The following TFB2M variants were observed in gnomAD, a reference collection of about 807,000 sequenced individuals.
TFB2M encodes transcription factor B2, mitochondrial, also known as dimethyladenosine transferase 2, mitochondrial.
TFB2M carries 44 observed loss-of-function variants against 41.3 expected under a neutral mutation model. The observed-to-expected ratio is 1.07, with a 90% CI of 0.84 to 1.37. The LOEUF is 1.37. Among genes scored for constraint, TFB2M ranks in the 40% most tolerant of loss-of-function variants. TFB2M has a pLI of 0.00. For missense variants in TFB2M, 496 were observed against 490.2 expected (o/e 1.01, Z -0.11); for synonymous variants, 188 against 176.8 (o/e 1.06, Z -0.50).
At chr1:246,549,281 C>G (rs1659106848) in intron 5 of TFB2M, among the ~76,000 whole-genome samples, 1 of 151,112 alleles carries the variant, frequency 6.6e-6, no homozygotes, top group Admixed American at 6.6e-5. Context: ...GTGCATAAGG[C>G]AATTTTAAGA....
In TFB2M at chr1:246,556,728, G is replaced by A; in HGVS notation, c.557-7C>T. ...ACTACTTTTAAAGGGATGTCTGTTAGGAATATAAGCAAAAAGATTTGAATA... is the reference window on the plus strand; with the variant it reads ...ACTACTTTTAAAGGGATGTCTGTTAAGAATATAAGCAAAAAGATTTGAATA... On this transcript the variant is annotated splice_polypyrimidine_tract_variant and splice_region_variant and intron_variant, in intron 3 of 7. Coordinates refer to ENST00000366514, the MANE Select transcript of TFB2M (RefSeq NM_022366.3). 6.5e-7 allele frequency: 1 copy of A among 1,546,890 alleles called. No individual in the cohort carries two copies. The highest frequency in any genetic ancestry group is 2.4e-5 in the East Asian group (1 of 41,650).
At chr1:246,558,034 C>T (rs1254501725) in intron 2 of TFB2M, among the ~76,000 whole-genome samples, 3 of 152,016 alleles carry the variant, frequency 2.0e-5, no homozygotes, top group Non-Finnish European at 4.4e-5. Flanking sequence ...TACTAACATA[C>T]CCAAAATTTA....
At chr1:246,552,706 A>C (rs1371525830) in intron 4 of TFB2M, among the ~76,000 whole-genome samples, 1 of 152,046 alleles carries the variant, frequency 6.6e-6, no homozygotes, top group Non-Finnish European at 1.5e-5. Context: ...CTCTAAAAAA[A>C]TTTCTTTTAA....
At chr1:246,548,450 A>C in intron 6 of TFB2M, 95 bp downstream of exon 6, 3 of 1,027,804 alleles carry the variant, frequency 2.9e-6, no homozygotes, top group Non-Finnish European at 4.2e-6. Flanking sequence ...TTAAAATTAA[A>C]AAGTTAAATA....
chr1:246,566,165 G>GA lies in TFB2M; in HGVS notation c.-28dup, dbSNP rs1659666305. 1 of 1,591,458 alleles carries GA rather than the reference G, an allele frequency of 6.3e-7. No homozygotes were observed. The highest frequency in any genetic ancestry group is 1.3e-5 in the African/African-American group (1 of 74,282). ...TCCTTGTCTCTCAGGCCCGCTCCAA[G>GA]AATCACCTAGTGCAGCTACTACAGT... On this transcript the variant is annotated 5_prime_UTR_variant, in exon 1 of 8. Transcript: ENST00000366514.
At chr1:246,546,983 A>ACACACACCCACAC (rs764498048) in intron 6 of TFB2M, among the ~76,000 whole-genome samples, 1 of 127,180 alleles carries the variant, frequency 7.9e-6, no homozygotes, top group Non-Finnish European at 1.7e-5. Flanking sequence ...ACACACACAC[A>ACACACACCCACAC]TTTTTTTTTT....
chr1:246,546,080 C>A (rs533548437), intron 6 of TFB2M, among the ~76,000 whole-genome samples: 1 of 151,918 alleles, frequency 6.6e-6, no homozygotes, highest in African/African-American at 2.4e-5. Context: ...TTTGGGAGGC[C>A]GAGGCAGGAG....
chr1:246,550,848 T>A (rs7537146), intron 5 of TFB2M, among the ~76,000 whole-genome samples: 110,625 of 152,112 alleles, frequency 0.73, 40,691 homozygotes, highest in East Asian at 1. Context: ...GAACCACTGC[T>A]CCCCAGCCTG....
intron 7 of TFB2M, among the ~76,000 whole-genome samples, chr1:246,543,034 C>G (rs1462682367): frequency 7.6e-6 from 1 of 131,348 alleles, no homozygotes; most frequent in East Asian, 2.2e-4. Flanking sequence ...TGCTCTGTGT[C>G]CCACACTGCA....
At chr1:246,565,790 T>G in intron 1 of TFB2M, 36 bp downstream of exon 1, 1 of 1,580,674 alleles carries the variant, frequency 6.3e-7, no homozygotes, top group Non-Finnish European at 8.7e-7. Flanking sequence ...GAATAAATGA[T>G]GAACATCCAA....
chr1:246,565,695 A>G (rs1659631417), intron 1 of TFB2M, 131 bp downstream of exon 1: 1 of 1,033,894 alleles, frequency 9.7e-7, no homozygotes, highest in Non-Finnish European at 1.4e-6. Flanking sequence ...CTGGCAACAC[A>G]GCGAGACTCC....
In TFB2M at chr1:246,566,155, C is replaced by T. The variant is rs756186172; in HGVS notation, c.-17G>A. On this transcript the variant is annotated 5_prime_UTR_variant, in exon 1 of 8. Transcript: ENST00000366514. ...GATCCACATGTCCTTGTCTCTCAGG[C>T]CCGCTCCAAGAATCACCTAGTGCAG... 1.9e-6 allele frequency: 3 copies of T among 1,595,638 alleles called. No homozygotes were observed. The highest frequency in any genetic ancestry group is 2.7e-5 in the African/African-American group (2 of 74,366).
chr1:246,565,760 C>A, intron 1 of TFB2M, 66 bp downstream of exon 1: 1 of 1,515,858 alleles, frequency 6.6e-7, no homozygotes, highest in Non-Finnish European at 9.0e-7. Context: ...AATAGCACCC[C>A]GAGGAGGGTC....
chr1:246,549,929 C>T (rs1237232225), intron 5 of TFB2M, among the ~76,000 whole-genome samples: 1 of 152,122 alleles, frequency 6.6e-6, no homozygotes, highest in African/African-American at 2.4e-5. Flanking sequence ...CAGCTTTCCC[C>T]TCATCAAGCA....
At chr1:246,558,157 C>CT (rs11438177) in intron 2 of TFB2M, among the ~76,000 whole-genome samples, 126,807 of 141,092 alleles carry the variant, frequency 0.9, 57,839 homozygotes, top group Non-Finnish European at 0.98. Flanking sequence ...TATCTGTTTA[C>CT]TTTTTTTTTT....
At chr1:246,553,963 C>A (rs1390140363) in intron 4 of TFB2M, among the ~76,000 whole-genome samples, 1 of 152,180 alleles carries the variant, frequency 6.6e-6, no homozygotes, top group Non-Finnish European at 1.5e-5. Flanking sequence ...GTAACAGTAG[C>A]AACACAGTGT....
chr1:246,561,878 A>G (rs3129581), intron 2 of TFB2M, among the ~76,000 whole-genome samples: 33,074 of 152,150 alleles, frequency 0.22, 4,088 homozygotes, highest in Middle Eastern at 0.32. Context: ...ATGTAGATTA[A>G]CCTTTAAATA....
intron 1 of TFB2M, among the ~76,000 whole-genome samples, 161 bp downstream of exon 1, chr1:246,565,665 T>C (rs931574919): frequency 4.6e-5 from 7 of 152,030 alleles, no homozygotes; most frequent in African/African-American, 1.2e-4. Context: ...GGAGCCGAGA[T>C]CGCCCCACTG....
chr1:246,544,375 C>T, intron 7 of TFB2M, 146 bp downstream of exon 7: 1 of 705,028 alleles, frequency 1.4e-6, no homozygotes, highest in South Asian at 2.0e-5. Context: ...AAATGTACAC[C>T]AGGGAGAACA....
Sources: allele counts gnomAD v4.1 joint callset (sites outside exome capture counted in the v4.1 genomes callset), GRCh38; gene constraint gnomAD v4.1.1; transcripts MANE v1.5; gene names NCBI Gene and HGNC (gene_info 2026-07-23, HGNC 2026-07-21).